Variants in AUTS2 observed in about 807,000 individuals in gnomAD.
AUTS2 encodes autism susceptibility gene 2 protein.
AUTS2 carries 17 observed loss-of-function variants against 112.4 expected under a neutral mutation model. The observed-to-expected ratio is 0.15, with a 90% CI of 0.10 to 0.23. The LOEUF is 0.23. AUTS2 is among the 10% of genes least tolerant of loss of function. The probability of loss-of-function intolerance (pLI) is 1.00; values close to 1 mark genes in which losing one functional copy is unlikely to be tolerated. For missense variants in AUTS2, 1,510 were observed against 1,701.6 expected, an observed-to-expected ratio of 0.89 and a Z score of 1.98; for synonymous variants, 751 against 702.7, an observed-to-expected ratio of 1.07 and a Z score of -1.09.
chr7:70,479,401 T>C (rs944462482), intron 5 of AUTS2, among the ~76,000 whole-genome samples: 2 of 152,160 alleles, frequency 1.3e-5, no homozygotes, highest in African/African-American at 4.8e-5. Flanking sequence ...GAAGCCTTTC[T>C]TGAGGACAGT....
At chr7:69,828,464 T>A (rs1791353796) in intron 1 of AUTS2, among the ~76,000 whole-genome samples, 2 of 152,174 alleles carry the variant, frequency 1.3e-5, no homozygotes, top group African/African-American at 4.8e-5. Context: ...GATGATATTG[T>A]GGAGCTGTTG....
At chr7:70,762,154 A>G (rs542111074) in intron 6 of AUTS2, among the ~76,000 whole-genome samples, 6 of 152,392 alleles carry the variant, frequency 3.9e-5, no homozygotes, top group African/African-American at 1.4e-4. Flanking sequence ...TCATTTCAAT[A>G]GAAAACACTT....
intron 1 of AUTS2, among the ~76,000 whole-genome samples, chr7:69,717,514 A>G (rs1798675668): frequency 6.6e-6 from 1 of 152,226 alleles, no homozygotes; most frequent in African/African-American, 2.4e-5. Flanking sequence ...CTTAGGGGAA[A>G]TGAGGACAGA....
chr7:70,377,325 A>AATAAATATATATATAT (rs1793136400), intron 4 of AUTS2, among the ~76,000 whole-genome samples: 1 of 52,060 alleles, frequency 1.9e-5, no homozygotes, highest in Non-Finnish European at 3.7e-5. Context: ...AACAAATATA[A>AATAAATATATATATAT]ATATATATAT....
chr7:69,663,796 T>A (rs10233869), intron 1 of AUTS2, among the ~76,000 whole-genome samples: 11,539 of 152,228 alleles, frequency 0.076, 592 homozygotes, highest in African/African-American at 0.14. Flanking sequence ...TTCTTAAGCC[T>A]TCTTGGAAAT....
intron 1 of AUTS2, among the ~76,000 whole-genome samples, chr7:69,723,034 AGC>A (rs1799046318): frequency 6.6e-6 from 1 of 152,104 alleles, no homozygotes; most frequent in African/African-American, 2.4e-5. Flanking sequence ...ACTGTTCAGA[AGC>A]AAGAGGGAGG....
intron 5 of AUTS2, among the ~76,000 whole-genome samples, chr7:70,611,660 A>G (rs1171433301): frequency 6.6e-6 from 1 of 152,240 alleles, no homozygotes; most frequent in Non-Finnish European, 1.5e-5. Flanking sequence ...GCCGCTTCTT[A>G]TAGCAAGTCT....
rs566226103 is a variant in AUTS2, at chr7:69,622,574, G to C, written c.309+22612G>C. On this transcript the variant is annotated intron_variant, in intron 1 of 18. Coordinates refer to ENST00000342771, the MANE Select transcript of AUTS2 (RefSeq NM_015570.4). ...ATAATGATAATGAAAATAGGGAAAG[G>C]CTCCTAGACTGTGCTGTGGAAAAAC... Among the ~76,000 whole-genome samples, 8 of 152,208 alleles carry C rather than the reference G, an allele frequency of 5.3e-5. No individual in the cohort carries two copies. In the South Asian group the frequency reaches 1.7e-3, roughly 32 times the overall value.
chr7:70,709,729 A>G (rs1365290966), intron 6 of AUTS2, among the ~76,000 whole-genome samples: 2 of 152,196 alleles, frequency 1.3e-5, no homozygotes, highest in Non-Finnish European at 2.9e-5. Context: ...ATTTACATAT[A>G]TCTTTTAGGG....
chr7:70,648,358 G>A (rs972985333), intron 5 of AUTS2, among the ~76,000 whole-genome samples: 12 of 152,154 alleles, frequency 7.9e-5, no homozygotes, highest in Admixed American at 2.0e-4. Context: ...TCTGCAGCAC[G>A]AGGGAGAGGA....
At chr7:70,605,875 C>T (rs539877407) in intron 5 of AUTS2, among the ~76,000 whole-genome samples, 23 of 152,306 alleles carry the variant, frequency 1.5e-4, no homozygotes, top group African/African-American at 5.3e-4. Flanking sequence ...AAAGAAGGCT[C>T]ATTGGCACTA....
chr7:70,363,465 G>GAA (rs369462886), intron 4 of AUTS2, among the ~76,000 whole-genome samples: 8,021 of 110,696 alleles, frequency 0.072, 270 homozygotes, highest in African/African-American at 0.089. Flanking sequence ...ATAAAAAAAA[G>GAA]AAAAAAAAAA....
chr7:70,232,445 G>A (rs1445646978), intron 4 of AUTS2, among the ~76,000 whole-genome samples: 1 of 150,558 alleles, frequency 6.6e-6, no homozygotes, highest in African/African-American at 2.4e-5. Flanking sequence ...ACTCTGTCAC[G>A]CAGGCTGGAG....
At chr7:70,717,375 G>A (rs1485309341) in intron 6 of AUTS2, among the ~76,000 whole-genome samples, 1 of 152,074 alleles carries the variant, frequency 6.6e-6, no homozygotes, top group African/African-American at 2.4e-5. Context: ...TAGAGATGGG[G>A]TCTTGCTGTG....
At chr7:69,779,312 G>C (rs968429431) in intron 1 of AUTS2, among the ~76,000 whole-genome samples, 2 of 152,142 alleles carry the variant, frequency 1.3e-5, no homozygotes, top group African/African-American at 4.8e-5. Context: ...TTGGTTGAAT[G>C]AATTGGAAAG....
intron 2 of AUTS2, among the ~76,000 whole-genome samples, chr7:70,033,369 T>C (rs1012967604): frequency 6.6e-5 from 10 of 152,184 alleles, no homozygotes; most frequent in African/African-American, 2.4e-4. Context: ...ATGAGCCATA[T>C]GGTGCTAGTC....
intron 1 of AUTS2, among the ~76,000 whole-genome samples, chr7:69,610,348 TACTC>T: frequency 6.6e-6 from 1 of 152,370 alleles, no homozygotes; most frequent in South Asian, 2.1e-4. Flanking sequence ...GGCCTACCTC[TACTC>T]ACTCTCTGGA....
Position 70,631,710 on chromosome 7 carries a change from A to G in AUTS2, c.691-66859A>G, listed in dbSNP as rs1038904942. On this transcript the variant is annotated intron_variant, in intron 5 of 18. Coordinates refer to ENST00000342771, the MANE Select transcript of AUTS2 (RefSeq NM_015570.4). The surrounding 1 kb of genome is among the most constrained non-coding windows in gnomAD (Gnocchi z 4.5). ...CACCATTTATAGCCCCATGTCCCCA[A>G]CCTTAGCCTTTGCACGGTTGGCTGG... Among the ~76,000 whole-genome samples the G allele has an allele frequency of 2.6e-5, 4 of 152,072 alleles. No homozygotes were observed. The highest frequency in any genetic ancestry group is 5.9e-5 in the Non-Finnish European group (4 of 67,990).
At chr7:70,130,387 G>A (rs1806209194) in intron 3 of AUTS2, among the ~76,000 whole-genome samples, 1 of 152,186 alleles carries the variant, frequency 6.6e-6, no homozygotes, top group Non-Finnish European at 1.5e-5. Context: ...TTAACTTCAT[G>A]AGTTTAATGA....
Sources: gnomAD v4.1 joint callset for allele counts (sites outside exome capture counted in the v4.1 genomes callset) on GRCh38, gnomAD v4.1.1 for gene constraint, Gnocchi (gnomAD v3.1) non-coding constraint, MANE v1.5 for transcripts, NCBI Gene and HGNC (gene_info 2026-07-23, HGNC 2026-07-21) for gene names.